LANCL2: variants seen among roughly 807,000 people sequenced by gnomAD.
LANCL2 encodes the protein lanC-like protein 2.
A neutral mutation model predicts 56.9 loss-of-function variants in LANCL2; 33 were observed. The ratio of observed to expected loss-of-function variants is 0.58; its 90% confidence interval spans 0.44 to 0.78. The LOEUF is 0.78. Among genes scored for constraint, LANCL2 ranks in the 30% least tolerant of loss-of-function variants. LANCL2 has a pLI of 0.00. For missense variants in LANCL2, 562 were observed against 580.2 expected, an observed-to-expected ratio of 0.97 and a Z score of 0.32; for synonymous variants, 233 against 228.2, an observed-to-expected ratio of 1.02 and a Z score of -0.19.
intron 1 of LANCL2, 58 bp downstream of exon 1, chr7:55,366,287 C>T: frequency 7.3e-7 from 1 of 1,365,082 alleles, no homozygotes; most frequent in Non-Finnish European, 9.7e-7. Flanking sequence ...GTGGTAGCGT[C>T]CACCTTCCGC....
At chr7:55,403,086 G>T (rs1209200492) in intron 5 of LANCL2, among the ~76,000 whole-genome samples, 12 of 152,298 alleles carry the variant, frequency 7.9e-5, no homozygotes, top group African/African-American at 2.6e-4. Flanking sequence ...GCCAAGGCAG[G>T]CAGCTGGGAG....
chr7:55,427,953 G>C (rs1171839114), intron 7 of LANCL2: 1 of 176,736 alleles, frequency 5.7e-6, no homozygotes, highest in Non-Finnish European at 1.2e-5. Context: ...GCCCCAGGCA[G>C]GGCTGAAGCT....
intron 2 of LANCL2, among the ~76,000 whole-genome samples, chr7:55,395,625 A>G (rs1790241543): frequency 6.6e-6 from 1 of 152,142 alleles, no homozygotes; most frequent in Admixed American, 6.5e-5. Flanking sequence ...ATCAAAGAGA[A>G]AGAAAGATAA....
At chr7:55,381,310 C>T (rs1790066379) in intron 1 of LANCL2, among the ~76,000 whole-genome samples, 1 of 152,158 alleles carries the variant, frequency 6.6e-6, no homozygotes, top group Non-Finnish European at 1.5e-5. Flanking sequence ...GGCAAAATCA[C>T]ATTTTCCGGG....
chr7:55,384,837 A>G (rs1243254920), intron 1 of LANCL2, among the ~76,000 whole-genome samples: 2 of 152,212 alleles, frequency 1.3e-5, no homozygotes, highest in East Asian at 3.8e-4. Context: ...ATGAAGGCAA[A>G]TAAAGACATT....
chr7:55,401,418 C>G, intron 5 of LANCL2, 98 bp downstream of exon 5: 2 of 1,053,818 alleles, frequency 1.9e-6, no homozygotes, highest in South Asian at 1.7e-5. Context: ...ATTGAAATAC[C>G]CTACTTTGAA....
At chr7:55,398,337 G>C in intron 2 of LANCL2, 86 bp from the exon 3 acceptor site, 1 of 928,180 alleles carries the variant, frequency 1.1e-6, no homozygotes, top group South Asian at 1.4e-5. Context: ...TGTAGAAGAA[G>C]GTATTTCATG....
Position 55,366,012 on chromosome 7 carries a change from G to A in LANCL2, c.-14G>A, listed in dbSNP as rs751257205. On this transcript the variant is annotated 5_prime_UTR_variant, in exon 1 of 9. Transcript: ENST00000254770. ...GGAGGTTTGTCCCCGCCCGCGCGCC[G>A]TACCGCGGCGGAGATGGGCGAGACC... is the stretch of plus-strand genomic sequence containing the variant. The A allele has an allele frequency of 1.7e-5, 24 of 1,429,472 alleles. No individual in the cohort carries two copies. The highest frequency in any genetic ancestry group is 1.8e-4 in the Middle Eastern group (1 of 5,460). The allele number at this position is 1,429,472 out of a possible 1,614,324, so 88.5% of individuals were successfully genotyped here.
chr7:55,412,092 C>A lies in LANCL2; in HGVS notation c.1008+3C>A. On this transcript the variant is annotated splice_donor_region_variant and intron_variant, in intron 6 of 8. Coordinates refer to ENST00000254770, the MANE Select transcript of LANCL2 (RefSeq NM_018697.4). ...ACATGCTCATGCAGGCGTACAAGGT[C>A]AGTGCTTCCGCCGTCACGGCCGTCC... 1.2e-6 allele frequency: 2 copies of A among 1,610,058 alleles called. No individual in the cohort carries two copies. The highest frequency in any genetic ancestry group is 1.7e-6 in the Non-Finnish European group (2 of 1,177,126).
At chr7:55,409,758 G>A (rs925771555) in intron 5 of LANCL2, among the ~76,000 whole-genome samples, 4 of 152,172 alleles carry the variant, frequency 2.6e-5, no homozygotes, top group African/African-American at 4.8e-5. Context: ...AAATCTTATC[G>A]AGAGACTTTT....
intron 5 of LANCL2, among the ~76,000 whole-genome samples, chr7:55,403,517 A>C (rs1021477226): frequency 6.7e-6 from 1 of 149,240 alleles, no homozygotes; most frequent in African/African-American, 2.5e-5. Context: ...GTCTTAAAGC[A>C]GATTAGTTAT....
chr7:55,409,052 GT>G (rs1790443100), intron 5 of LANCL2, among the ~76,000 whole-genome samples: 3 of 150,812 alleles, frequency 2.0e-5, no homozygotes, highest in Non-Finnish European at 4.4e-5. Context: ...CTTTGCAACA[GT>G]TTCATTGAAG....
intron 2 of LANCL2, among the ~76,000 whole-genome samples, chr7:55,393,293 G>A (rs1790212960): frequency 1.3e-5 from 2 of 152,306 alleles, no homozygotes; most frequent in South Asian, 2.1e-4. Flanking sequence ...AGCACTTTGG[G>A]AGGCCAAAGA....
At chr7:55,403,571 T>TG (rs1165175489) in intron 5 of LANCL2, among the ~76,000 whole-genome samples, 5 of 62,614 alleles carry the variant, frequency 8.0e-5, no homozygotes, top group African/African-American at 3.5e-4. Flanking sequence ...TGTTTGTTGT[T>TG]TTTTTTTTTT....
chr7:55,430,242 A>G (rs1445929065), intron 8 of LANCL2, among the ~76,000 whole-genome samples: 1 of 152,258 alleles, frequency 6.6e-6, no homozygotes, highest in African/African-American at 2.4e-5. Flanking sequence ...AACACCCCAG[A>G]TGACCGTCAG....
In LANCL2 at chr7:55,396,279, C is replaced by T. The variant is rs1790251485; in HGVS notation, c.323-2144C>T. On this transcript the variant is annotated intron_variant, in intron 2 of 8. Coordinates refer to ENST00000254770, the MANE Select transcript of LANCL2 (RefSeq NM_018697.4). Reference sequence around the variant, plus strand: ...CATGGTGAGTATCAGAGACAACTCCCCTCATGCTTCTCATAGGTTCGGGGG... The same window carrying T: ...CATGGTGAGTATCAGAGACAACTCCTCTCATGCTTCTCATAGGTTCGGGGG... Among the ~76,000 whole-genome samples the T allele has an allele frequency of 4.8e-5, 6 of 123,758 alleles. No homozygotes were observed. The South Asian group carries it at 1.8e-3, about 37-fold the overall frequency. 81.2% of individuals were successfully genotyped at this position (123,758 alleles called of 152,430 possible). A position where few individuals can be genotyped will look rare whatever the true frequency, so the allele number is the denominator to read the frequency against.
intron 1 of LANCL2, among the ~76,000 whole-genome samples, chr7:55,389,915 T>G (rs892642070): frequency 6.6e-6 from 1 of 152,194 alleles, no homozygotes; most frequent in Non-Finnish European, 1.5e-5. Context: ...GTTTTACAAG[T>G]CAGAAATGTC....
chr7:55,431,408 G>C lies in LANCL2; in HGVS notation c.*88G>C, dbSNP rs528568663. ...TGACACAGAAACAACTGGGAATCCT[G>C]AAAGAGAAGCAGACACCGTCACAGG... On this transcript the variant is annotated 3_prime_UTR_variant, in exon 9 of 9. Transcript: ENST00000254770. 22 of 896,224 alleles carry C rather than the reference G, an allele frequency of 2.5e-5. No homozygotes were observed. The highest frequency in any genetic ancestry group is 1.6e-4 in the South Asian group (10 of 61,052). The allele number at this position is 896,224 out of a possible 1,614,324, so 55.5% of individuals were successfully genotyped here. A position where few individuals can be genotyped will look rare whatever the true frequency, so the allele number is the denominator to read the frequency against.
chr7:55,368,048 C>T (rs1004419915), intron 1 of LANCL2, among the ~76,000 whole-genome samples: 4 of 152,156 alleles, frequency 2.6e-5, no homozygotes, highest in African/African-American at 9.7e-5. Context: ...TTACCAGTGG[C>T]CATCTCAGTA....
Sources: allele counts gnomAD v4.1 joint callset (sites outside exome capture counted in the v4.1 genomes callset), GRCh38; gene constraint gnomAD v4.1.1; transcripts MANE v1.5; gene names NCBI Gene and HGNC (gene_info 2026-07-23, HGNC 2026-07-21).